Variants in KSR2 observed in about 807,000 individuals in gnomAD.
The protein encoded by KSR2 is kinase suppressor of ras 2.
KSR2 carries 25 observed loss-of-function variants against 107.8 expected under a neutral mutation model. The observed-to-expected ratio is 0.23, with a 90% CI of 0.17 to 0.32. KSR2 has a LOEUF of 0.32. Among genes scored for constraint, KSR2 ranks in the 10% least tolerant of loss-of-function variants. The probability of loss-of-function intolerance (pLI) is 1.00; values close to 1 mark genes in which losing one functional copy is unlikely to be tolerated. For synonymous variants in KSR2, 480 were observed against 507.0 expected (o/e 0.95, Z 0.71); for missense variants, 887 against 1,268.9 (o/e 0.70, Z 4.57).
intron 4 of KSR2, among the ~76,000 whole-genome samples, chr12:117,708,344 T>G (rs1422143457): frequency 6.6e-6 from 1 of 152,114 alleles, no homozygotes; most frequent in African/African-American, 2.4e-5. Flanking sequence ...CATGGGAACC[T>G]TCTGAGAACC....
intron 1 of KSR2, among the ~76,000 whole-genome samples, chr12:117,934,498 A>T (rs1895783771): frequency 6.6e-6 from 1 of 152,218 alleles, no homozygotes; most frequent in Non-Finnish European, 1.5e-5. Flanking sequence ...AAGAAAGCCA[A>T]ACTGAGAGGT....
intron 1 of KSR2, among the ~76,000 whole-genome samples, chr12:117,906,353 C>CAAAAA (rs57733205): frequency 1.7e-5 from 1 of 58,210 alleles, no homozygotes; most frequent in Non-Finnish European, 3.3e-5. Flanking sequence ...AACTCTGTCT[C>CAAAAA]AAAAAAAAAA....
chr12:117,777,107 T>TACAC (rs35481254), intron 3 of KSR2, among the ~76,000 whole-genome samples: 30 of 66,152 alleles, frequency 4.5e-4, no homozygotes, highest in Admixed American at 4.3e-3. Context: ...TATATATATA[T>TACAC]ACACACACAC....
At chr12:117,733,523 C>A (rs905459838) in intron 4 of KSR2, among the ~76,000 whole-genome samples, 1 of 152,174 alleles carries the variant, frequency 6.6e-6, no homozygotes, top group Non-Finnish European at 1.5e-5. Flanking sequence ...CATTTATTTG[C>A]ACACTGTCTA....
intron 3 of KSR2, among the ~76,000 whole-genome samples, chr12:117,793,828 A>G (rs1332133285): frequency 6.8e-6 from 1 of 147,596 alleles, no homozygotes; most frequent in African/African-American, 2.5e-5. Flanking sequence ...ATGCACACTC[A>G]CACCAACATG....
At chr12:117,692,757 G>A (rs1278494190) in intron 4 of KSR2, among the ~76,000 whole-genome samples, 2 of 151,992 alleles carry the variant, frequency 1.3e-5, no homozygotes, top group East Asian at 3.9e-4. Flanking sequence ...GATGAATCTT[G>A]AAAACATTAT....
chr12:117,613,867 C>G (rs1881733420), intron 5 of KSR2, among the ~76,000 whole-genome samples: 2 of 152,180 alleles, frequency 1.3e-5, no homozygotes, highest in Admixed American at 1.3e-4. Flanking sequence ...CTTCTCCATC[C>G]TTCACTTTCC....
chr12:117,866,567 C>T (rs894500002), intron 1 of KSR2, among the ~76,000 whole-genome samples: 9 of 152,060 alleles, frequency 5.9e-5, no homozygotes, highest in African/African-American at 1.2e-4. Context: ...CAGTGGCTCA[C>T]GCCTATAATC....
chr12:117,947,235 A>T (rs1408529132), intron 1 of KSR2, among the ~76,000 whole-genome samples: 1 of 122,010 alleles, frequency 8.2e-6, no homozygotes, highest in African/African-American at 3.4e-5. Context: ...GAAAGAAAGA[A>T]AGAAAGAAAG....
intron 5 of KSR2, among the ~76,000 whole-genome samples, chr12:117,596,372 G>A (rs956305901): frequency 2.0e-5 from 3 of 152,052 alleles, no homozygotes; most frequent in Admixed American, 2.0e-4. Flanking sequence ...TGGGAATTAT[G>A]GAAGCTACAA....
At chr12:117,573,366 T>C (rs1288348198) in intron 7 of KSR2, among the ~76,000 whole-genome samples, 2 of 152,142 alleles carry the variant, frequency 1.3e-5, no homozygotes, top group Non-Finnish European at 2.9e-5. Context: ...TTTGTTGTCG[T>C]TGTCGTTGTC....
chr12:117,731,299 CGT>C (rs1565984020), intron 4 of KSR2, among the ~76,000 whole-genome samples: 1 of 145,170 alleles, frequency 6.9e-6, no homozygotes, highest in East Asian at 2.1e-4. Flanking sequence ...AAGTGAGGAG[CGT>C]CTCCGCCCAG....
chr12:117,731,321 C>CATGCGG (rs1565984108), intron 4 of KSR2, among the ~76,000 whole-genome samples: 1 of 150,026 alleles, frequency 6.7e-6, no homozygotes, highest in Admixed American at 6.6e-5. Flanking sequence ...GCAGCCGCCC[C>CATGCGG]GTCTGAGAAG....
At chr12:117,576,199 C>A (rs1486680183) in intron 7 of KSR2, among the ~76,000 whole-genome samples, 1 of 152,164 alleles carries the variant, frequency 6.6e-6, no homozygotes, top group Non-Finnish European at 1.5e-5. Flanking sequence ...CAGCTACATC[C>A]CTGTCATCTA....
rs183149124 is a variant in KSR2 at position 117,573,734 on chromosome 12, G to A, written c.1325+5385C>T. ...AGTGGAGATGGGGTTTCACCATGTT[G>A]GCCAGGCTGGTCTCGAACTCCTGAC... On this transcript the variant is annotated intron_variant, in intron 7 of 19. Transcript: ENST00000339824. 2.2e-3 allele frequency among the ~76,000 whole-genome samples: 341 copies of A among 151,936 alleles called. 1 individual carries two copies. The highest frequency in any genetic ancestry group is 7.8e-3 in the African/African-American group (322 of 41,426).
At position 117,845,857 on chromosome 12, in the gene KSR2, A is replaced by AT. The variant is rs113724436; in HGVS notation, c.472+9570dup. On this transcript the variant is annotated intron_variant, in intron 3 of 19. Coordinates refer to ENST00000339824, the MANE Select transcript of KSR2 (RefSeq NM_173598.6). ...CACACCTAGCTAATTTTTTGTATTT[A>AT]TTTTTTTTTTTCAGTAGAGATGGGG... is the stretch of plus-strand genomic sequence containing the variant. 9.2e-4 allele frequency among the ~76,000 whole-genome samples: 132 copies of AT among 143,970 alleles called. 1 individual carries two copies. The highest frequency in any genetic ancestry group is 1.4e-3 in the Admixed American group (20 of 14,360). The allele number at this position is 143,970 out of a possible 152,430, so 94.4% of individuals were successfully genotyped here.
chr12:117,525,181 A>G lies in KSR2; in HGVS notation c.1890T>C (p.Asp630=). 6.2e-7 allele frequency: 1 copy of G among 1,612,752 alleles called. No individual in the cohort carries two copies. Among genetic ancestry groups the G allele is most frequent in the Non-Finnish European group, 8.5e-7 (1 of 1,178,968 alleles). ...GGGACAGGTTCATCTCCTCGAAGTC[A>G]TCCTCTGACTCTTCGGCCTCATCAT... ...EVHDEAEESE[D]DFEEMNLSLL... is the part of the protein sequence containing the mutation. The change falls in exon 14 of 20, where the codon GAT becomes GAC. Residue 630 remains aspartate (D), a synonymous_variant. Coordinates refer to ENST00000339824, the MANE Select transcript of KSR2 (RefSeq NM_173598.6).
At chr12:117,808,340 A>G (rs1891079407) in intron 3 of KSR2, among the ~76,000 whole-genome samples, 1 of 152,152 alleles carries the variant, frequency 6.6e-6, no homozygotes, top group Non-Finnish European at 1.5e-5. Context: ...CTCTTAGCCT[A>G]CAGTATCCAC....
chr12:117,475,557 G>T (rs1363821618), intron 17 of KSR2, among the ~76,000 whole-genome samples: 2 of 152,128 alleles, frequency 1.3e-5, no homozygotes, highest in Admixed American at 6.5e-5. Flanking sequence ...ATTGGATTTG[G>T]TTCCTCTTTT....
Sources: gnomAD v4.1 joint callset for allele counts (sites outside exome capture counted in the v4.1 genomes callset) on GRCh38, gnomAD v4.1.1 for gene constraint, MANE v1.5 for transcripts, NCBI Gene and HGNC (gene_info 2026-07-23, HGNC 2026-07-21) for gene names.